ROBO1: variants seen among roughly 807,000 people sequenced by gnomAD.
ROBO1 encodes roundabout guidance receptor 1.
ROBO1 carries 149 observed loss-of-function variants against 195.9 expected under a neutral mutation model. The observed-to-expected ratio is 0.76, with a 90% CI of 0.67 to 0.87. The LOEUF is 0.87. ROBO1 is among the 40% of genes least tolerant of loss of function. The pLI is 0.00. For synonymous variants in ROBO1, 816 were observed against 733.2 expected (o/e 1.11, Z -1.82); for missense variants, 1,933 against 2,068.3 (o/e 0.93, Z 1.27).
At chr3:79,440,918 G>A (rs1453567283) in intron 2 of ROBO1, among the ~76,000 whole-genome samples, 1 of 152,038 alleles carries the variant, frequency 6.6e-6, no homozygotes, top group Non-Finnish European at 1.5e-5. Context: ...TCATAGACAT[G>A]CAAGCAAATA....
At chr3:79,510,793 G>A (rs1441318905) in intron 2 of ROBO1, among the ~76,000 whole-genome samples, 3 of 151,920 alleles carry the variant, frequency 2.0e-5, no homozygotes, top group Admixed American at 2.0e-4. Flanking sequence ...AAGATTTGGG[G>A]GATACTGTAT....
intron 1 of ROBO1, among the ~76,000 whole-genome samples, chr3:79,625,713 T>A (rs1323804673): frequency 6.6e-6 from 1 of 151,954 alleles, no homozygotes; most frequent in Non-Finnish European, 1.5e-5. Flanking sequence ...AAGGCAGTAA[T>A]TAAAAGCCTA....
intron 4 of ROBO1, among the ~76,000 whole-genome samples, chr3:78,752,670 C>T (rs909499086): frequency 6.6e-6 from 1 of 151,902 alleles, no homozygotes; most frequent in Non-Finnish European, 1.5e-5. Flanking sequence ...AAAGATAAAC[C>T]ATTGAAGAGG....
chr3:79,492,270 CA>C, intron 2 of ROBO1, among the ~76,000 whole-genome samples: 1 of 151,810 alleles, frequency 6.6e-6, no homozygotes, highest in African/African-American at 2.4e-5. Flanking sequence ...ACTAAAAATG[CA>C]AAAATTAGCC....
At chr3:79,401,111 G>A (rs1220849206) in intron 2 of ROBO1, among the ~76,000 whole-genome samples, 3 of 151,374 alleles carry the variant, frequency 2.0e-5, no homozygotes, top group African/African-American at 7.3e-5. Context: ...TTTAAAAGTT[G>A]GCCATTTGGA....
intron 1 of ROBO1, among the ~76,000 whole-genome samples, chr3:79,745,258 G>T (rs1289898560): frequency 1.3e-5 from 2 of 152,124 alleles, no homozygotes; most frequent in African/African-American, 4.8e-5. Context: ...GTATGTATGA[G>T]ATGTAACATC....
chr3:79,470,558 G>C (rs1399540644), intron 2 of ROBO1, among the ~76,000 whole-genome samples: 1 of 152,154 alleles, frequency 6.6e-6, no homozygotes, highest in Non-Finnish European at 1.5e-5. Flanking sequence ...TGGTTAGGCT[G>C]TGTTCCCACC....
intron 22 of ROBO1, among the ~76,000 whole-genome samples, chr3:78,638,482 T>C (rs926281768): frequency 1.1e-4 from 16 of 152,038 alleles, no homozygotes; most frequent in Admixed American, 8.5e-4. Flanking sequence ...AAGAATTTGG[T>C]TCATTATAAC....
intron 1 of ROBO1, among the ~76,000 whole-genome samples, chr3:79,592,570 G>C (rs1273901523): frequency 2.0e-5 from 3 of 151,818 alleles, no homozygotes; most frequent in African/African-American, 7.2e-5. Context: ...GTAGCTTTAG[G>C]TTTAGAGAAA....
intron 2 of ROBO1, among the ~76,000 whole-genome samples, chr3:79,365,445 GA>G (rs1352583429): frequency 6.6e-6 from 1 of 152,144 alleles, no homozygotes; most frequent in Admixed American, 6.5e-5. Context: ...TACTTAGTCA[GA>G]AATCTTGGCT....
chr3:79,586,939 G>A (rs1943848070), intron 2 of ROBO1, among the ~76,000 whole-genome samples: 1 of 151,760 alleles, frequency 6.6e-6, no homozygotes, highest in Admixed American at 6.6e-5. Context: ...AAATTAACAT[G>A]AAAAACATCT....
chr3:78,690,607 A>G (rs1365903452), intron 8 of ROBO1, among the ~76,000 whole-genome samples: 1 of 152,038 alleles, frequency 6.6e-6, no homozygotes, highest in Admixed American at 6.6e-5. Flanking sequence ...TTCCTTAATT[A>G]AAGGCTGGAA....
chr3:79,660,351 A>G (rs1334149534), intron 1 of ROBO1, among the ~76,000 whole-genome samples: 2 of 152,034 alleles, frequency 1.3e-5, no homozygotes, highest in African/African-American at 2.4e-5. Flanking sequence ...TACATTTGGA[A>G]ACAGAGACAT....
At chr3:78,748,426 CAAATAAATAAATAAAT>C (rs55873579) in intron 4 of ROBO1, among the ~76,000 whole-genome samples, 2,453 of 147,108 alleles carry the variant, frequency 0.017, 29 homozygotes, top group Middle Eastern at 0.045. Context: ...GCCTCTGTCT[CAAATAAATAAATAAAT>C]AAATAAATAA....
intron 1 of ROBO1, among the ~76,000 whole-genome samples, chr3:79,726,172 G>A (rs932152180): frequency 1.3e-5 from 2 of 152,172 alleles, no homozygotes; most frequent in Admixed American, 6.5e-5. Context: ...GCATAGGAAA[G>A]AAGTTAGTTC....
intron 4 of ROBO1, among the ~76,000 whole-genome samples, chr3:78,766,211 A>C (rs2108394794): frequency 6.6e-6 from 1 of 152,318 alleles, no homozygotes; most frequent in South Asian, 2.1e-4. Flanking sequence ...GATCTTGAAC[A>C]AAGGAAAAAG....
chr3:78,697,531 T>C (rs2081327802), intron 8 of ROBO1, among the ~76,000 whole-genome samples: 1 of 152,084 alleles, frequency 6.6e-6, no homozygotes, highest in Non-Finnish European at 1.5e-5. Flanking sequence ...TCGGCCTAAA[T>C]AATAGCGTGA....
intron 2 of ROBO1, among the ~76,000 whole-genome samples, chr3:79,333,253 G>T (rs1186306035): frequency 4.6e-5 from 7 of 150,578 alleles, no homozygotes; most frequent in Non-Finnish European, 8.9e-5. Context: ...TGATCACGAA[G>T]ATTTTCTTCT....
intron 1 of ROBO1, among the ~76,000 whole-genome samples, chr3:79,630,304 G>T (rs551681498): frequency 2.5e-4 from 38 of 151,994 alleles, no homozygotes; most frequent in African/African-American, 8.7e-4. Flanking sequence ...TGATCAAGTG[G>T]GTTTTATTCC....
Sources: gnomAD v4.1 joint callset for allele counts (sites outside exome capture counted in the v4.1 genomes callset) on GRCh38, gnomAD v4.1.1 for gene constraint, MANE v1.5 for transcripts, NCBI Gene and HGNC (gene_info 2026-07-23, HGNC 2026-07-21) for gene names.